Variants in KIF1C observed in about 807,000 individuals in gnomAD.
KIF1C encodes the protein kinesin-like protein KIF1C.
A neutral mutation model predicts 126.5 loss-of-function variants in KIF1C; 61 were observed. The ratio of observed to expected loss-of-function variants is 0.48; its 90% CI spans 0.39 to 0.60. The LOEUF (loss-of-function observed/expected upper bound fraction) is 0.60. Among genes scored for constraint, KIF1C ranks in the 20% least tolerant of loss-of-function variants. The pLI is 0.00. For missense variants in KIF1C, 1,315 were observed against 1,489.2 expected, an observed-to-expected ratio of 0.88 and a Z score of 1.93; for synonymous variants, 640 against 580.6, an observed-to-expected ratio of 1.10 and a Z score of -1.47.
chr17:5,013,586 C>T, intron 16 of KIF1C, 67 bp from the exon 17 acceptor site: 1 of 1,186,866 alleles, frequency 8.4e-7, no homozygotes, highest in Non-Finnish European at 1.3e-6. Context: ...CCTCCCACCG[C>T]TCCCTTTCTT....
Position 5,020,429 on chromosome 17 carries a change from G to A in KIF1C, c.1751-63G>A. 1 of 1,482,178 alleles carries A rather than the reference G, an allele frequency of 6.7e-7. No individual in the cohort carries two copies. The highest frequency in any genetic ancestry group is 1.3e-5 in the South Asian group (1 of 79,034). 91.8% of individuals were successfully genotyped at this position (1,482,178 alleles called of 1,614,324 possible). A position where few individuals can be genotyped will look rare whatever the true frequency, so the allele number is the denominator to read the frequency against. ...CCTGTGCCAGATTCTCTATGCCTTG[G>A]GTGTAGGGATGGATTTGGTGCTGAT... On this transcript the variant is annotated intron_variant, in intron 19 of 22. Transcript: ENST00000320785. This position sits in a 1 kb window ranked among gnomAD's most constrained non-coding sequence, Gnocchi z 5.8.
chr17:5,019,094 GC>G (rs1443945039), intron 18 of KIF1C: 3 of 161,918 alleles, frequency 1.9e-5, no homozygotes, highest in Non-Finnish European at 2.9e-5. Context: ...TGAGTCCTCT[GC>G]TCTCCTTGTT....
At chr17:5,003,308 A>C (rs934551845) in intron 8 of KIF1C, among the ~76,000 whole-genome samples, 6 of 151,942 alleles carry the variant, frequency 3.9e-5, no homozygotes, top group African/African-American at 1.5e-4. Flanking sequence ...CAGCCTCCCA[A>C]AGTGCTGGGA....
chr17:5,003,962 A>G, intron 10 of KIF1C, 36 bp from the exon 11 acceptor site: 1 of 1,610,092 alleles, frequency 6.2e-7, no homozygotes, highest in Non-Finnish European at 8.5e-7. Context: ...AAGGGGAGTG[A>G]CCCACCCTAA....
In KIF1C at chr17:5,023,549, C is replaced by T; in HGVS notation, c.2710C>T (p.Pro904Ser). 2 of 1,613,710 alleles carry T rather than the reference C, an allele frequency of 1.2e-6. No individual in the cohort carries two copies. The highest frequency in any genetic ancestry group is 1.7e-6 in the Non-Finnish European group (2 of 1,179,946). Residue 904 changes from proline to serine, a missense_variant, in exon 23 of 23, where the codon CCC becomes TCC. Transcript: ENST00000320785. The surrounding 1 kb of genome is among the most constrained non-coding windows in gnomAD (Gnocchi z 4.2). ...ATCAGAGGCAGCAGAGGAGGCAGCCCCCAGTGACCGCATGCCGTCAGCCCG... is the reference window on the plus strand; with the variant it reads ...ATCAGAGGCAGCAGAGGAGGCAGCCTCCAGTGACCGCATGCCGTCAGCCCG... ...EGSEAAEEAAPSDRMPSARPP... is the reference protein window; with the variant it reads ...EGSEAAEEAASSDRMPSARPP...
chr17:5,015,582 C>CTT (rs58961639), intron 18 of KIF1C, among the ~76,000 whole-genome samples: 8,228 of 71,028 alleles, frequency 0.12, 939 homozygotes, highest in Middle Eastern at 0.24. Context: ...CTGCCCCCAG[C>CTT]TTTTTTTTTT....
In KIF1C at chr17:5,024,419, A is replaced by C; in HGVS notation, c.*268A>C. ...CTTGCAAAGGGGGTGTGTCCCACAA[A>C]CGCTGCTATGGGTGGGGTGGGGGGC... On this transcript the variant is annotated 3_prime_UTR_variant, in exon 23 of 23. Coordinates refer to ENST00000320785, the MANE Select transcript of KIF1C (RefSeq NM_006612.6). 24 of 254,796 alleles carry C rather than the reference A, an allele frequency of 9.4e-5. No individual in the cohort carries two copies. Among genetic ancestry groups the C allele is most frequent in the East Asian group, 1.5e-4 (2 of 13,390 alleles). The allele number at this position is 254,796 out of a possible 1,614,324, so 15.8% of individuals were successfully genotyped here.
chr17:5,018,216 A>G (rs1597860014), intron 18 of KIF1C, among the ~76,000 whole-genome samples: 1 of 151,892 alleles, frequency 6.6e-6, no homozygotes, highest in African/African-American at 2.4e-5. Context: ...CCTGAGCTCA[A>G]GCAGTCCACC....
In KIF1C at chr17:5,024,307, C is replaced by T. The variant is rs780632591; in HGVS notation, c.*156C>T. Reference sequence around the variant, plus strand: ...ATAGAAGACAAGGGGGAGACCGAGCCGGAGGCTGAGGAAAGGAAGAGGGCA... The same window carrying T: ...ATAGAAGACAAGGGGGAGACCGAGCTGGAGGCTGAGGAAAGGAAGAGGGCA... On this transcript the variant is annotated 3_prime_UTR_variant, in exon 23 of 23. Transcript: ENST00000320785. 1.8e-5 allele frequency: 10 copies of T among 559,516 alleles called. No individual in the cohort carries two copies. The highest frequency in any genetic ancestry group is 3.3e-5 in the East Asian group (1 of 30,352). The allele number at this position is 559,516 out of a possible 1,614,324, so 34.7% of individuals were successfully genotyped here.
chr17:5,002,444 C>T lies in KIF1C; in HGVS notation c.430-20C>T. The T allele has an allele frequency of 6.4e-7, 1 of 1,564,786 alleles. No homozygotes were observed. Among genetic ancestry groups the T allele is most frequent in the South Asian group, 1.2e-5 (1 of 85,350 alleles). ...TGTTTTTGCTAGTTTTGTTACTTCT[C>T]ATTTGCTTCTCCCACTCAGGTGAGC... On this transcript the variant is annotated intron_variant, in intron 6 of 22. Coordinates refer to ENST00000320785, the MANE Select transcript of KIF1C (RefSeq NM_006612.6).
At chr17:5,004,094 C>T in intron 11 of KIF1C, 21 bp downstream of exon 11, 1 of 1,538,422 alleles carries the variant, frequency 6.5e-7, no homozygotes, top group Non-Finnish European at 9.0e-7. Flanking sequence ...CTTCCTCTTT[C>T]TCTGCCGACC....
In KIF1C at chr17:5,024,147, TGTGAG is replaced by T; in HGVS notation, c.3309_*1del. ...GACCTCAAGGAGAGTGGGGCAGCTG[TGTGAG>T]TCCCACATCCTGGGCAGAGGGCCTG... On this transcript the variant is annotated stop_lost and 3_prime_UTR_variant, in exon 23 of 23. Transcript: ENST00000320785. 1 of 1,605,246 alleles carries T rather than the reference TGTGAG, an allele frequency of 6.2e-7. No homozygotes were observed. Among genetic ancestry groups the T allele is most frequent in the Non-Finnish European group, 8.5e-7 (1 of 1,175,818 alleles).
Position 5,004,578 on chromosome 17 carries a change from C to A in KIF1C, c.952C>A (p.Arg318Ser), listed in dbSNP as rs138321138. Residue 318 changes from arginine to serine, a missense_variant, in exon 12 of 23, where the codon CGC becomes AGC. Physicochemically the swap from Arg to Ser is moderately radical, Grantham distance 110 (BLOSUM62 -1). Transcript: ENST00000320785. Reference protein sequence around the residue: ...LLKENLGGNSRTAMIAALSPA... With the variant: ...LLKENLGGNSSTAMIAALSPA... ...CACTCCATTCACAGGGGGGAACTCA[C>A]GCACAGCCATGATTGCAGCCCTGAG... 5.0e-6 allele frequency: 8 copies of A among 1,614,128 alleles called. No individual in the cohort carries two copies. Among genetic ancestry groups the A allele is most frequent in the Admixed American group, 1.7e-5 (1 of 60,026 alleles).
chr17:5,004,033 C>A lies in KIF1C; in HGVS notation c.900C>A (p.Tyr300Ter). The change falls in exon 11 of 23, where the codon TAC becomes TAA. Residue 300 changes from tyrosine to a stop codon, truncating the protein, a stop_gained. Transcript: ENST00000320785. LOFTEE classifies it high-confidence loss of function. ...SKKRKSDFIPYRDSVLTWLLK... is the reference protein window; with the variant it reads ...SKKRKSDFIP ...AGCGAAAGTCGGATTTTATCCCCTA[C>A]AGGGACTCTGTGCTCACCTGGCTGC... 1 of 1,614,058 alleles carries A rather than the reference C, an allele frequency of 6.2e-7. No homozygotes were observed. The highest frequency in any genetic ancestry group is 8.5e-7 in the Non-Finnish European group (1 of 1,179,974).
At chr17:5,011,604 C>G (rs910081569) in intron 16 of KIF1C, 1 of 152,256 alleles carries the variant, frequency 6.6e-6, no homozygotes, top group South Asian at 2.1e-4. Flanking sequence ...CAGCGTTTGC[C>G]AGTCCCAGAG....
In KIF1C at chr17:5,020,421, A is replaced by G. The variant is rs141687078; in HGVS notation, c.1751-71A>G. ...TCACAGCCCCTGTGCCAGATTCTCT[A>G]TGCCTTGGGTGTAGGGATGGATTTG... On this transcript the variant is annotated intron_variant, in intron 19 of 22. Coordinates refer to ENST00000320785, the MANE Select transcript of KIF1C (RefSeq NM_006612.6). The surrounding 1 kb of genome is among the most constrained non-coding windows in gnomAD (Gnocchi z 5.8). 52 of 1,449,472 alleles carry G rather than the reference A, an allele frequency of 3.6e-5. No homozygotes were observed. In the African/African-American group the frequency reaches 5.6e-4, roughly 16 times the overall value. The allele number at this position is 1,449,472 out of a possible 1,614,324, so 89.8% of individuals were successfully genotyped here.
At chr17:5,016,768 T>C (rs1974980290) in intron 18 of KIF1C, among the ~76,000 whole-genome samples, 1 of 151,650 alleles carries the variant, frequency 6.6e-6, no homozygotes, top group African/African-American at 2.4e-5. Flanking sequence ...TAGCTGGGCA[T>C]GGTGGCGAAC....
At position 5,023,674 on chromosome 17, in the gene KIF1C, G is replaced by C. The variant is rs1975141402; in HGVS notation, c.2835G>C (p.Glu945Asp). Residue 945 changes from glutamate to aspartate, a missense_variant, in exon 23 of 23, where the codon GAG becomes GAC. By Grantham distance (45) the Glu-to-Asp change is conservative. Coordinates refer to ENST00000320785, the MANE Select transcript of KIF1C (RefSeq NM_006612.6). This position sits in a 1 kb window ranked among gnomAD's most constrained non-coding sequence, Gnocchi z 4.2. ...GTCGTCTTCGCTGGCTCAAGCAGGA[G>C]CAGCTACGGCTGCAGGGACTGCAGG... ...RRGRLRWLKQ[E>D]QLRLQGLQGS... The C allele has an allele frequency of 6.2e-7, 1 of 1,607,294 alleles. No homozygotes were observed.
intron 18 of KIF1C, among the ~76,000 whole-genome samples, chr17:5,017,696 G>T (rs1975003566): frequency 6.6e-6 from 1 of 152,062 alleles, no homozygotes; most frequent in East Asian, 1.9e-4. Flanking sequence ...TAGAAGAATG[G>T]TTTTTACTGA....
Sources: allele counts gnomAD v4.1 joint callset (sites outside exome capture counted in the v4.1 genomes callset), GRCh38; gene constraint gnomAD v4.1.1; non-coding constraint Gnocchi (gnomAD v3.1); transcripts MANE v1.5; gene names NCBI Gene and HGNC (gene_info 2026-07-23, HGNC 2026-07-21).